Variants in EML5 observed in about 807,000 individuals in gnomAD.
EML5 encodes the protein EMAP like 5, also known as echinoderm microtubule-associated protein-like 5.
In EML5, 120 loss-of-function variants were observed where a neutral mutation model predicts 250.0. The ratio of observed to expected loss-of-function variants is 0.48; its 90% CI spans 0.41 to 0.56. The LOEUF (loss-of-function observed/expected upper bound fraction) is 0.56, where lower values mean the gene tolerates loss of function less well. Ranked by LOEUF, EML5 falls within the 20% of genes least tolerant of loss-of-function variation. The probability of loss-of-function intolerance (pLI) is 0.00; values close to 1 mark genes in which losing one functional copy is unlikely to be tolerated. For synonymous variants in EML5, 771 were observed against 806.5 expected (o/e 0.96, Z 0.75); for missense variants, 2,006 against 2,437.6 (o/e 0.82, Z 3.73).
At chr14:88,705,835 T>A (rs1308717159) in intron 11 of EML5, 2 of 623,602 alleles carry the variant, frequency 3.2e-6, no homozygotes, top group Non-Finnish European at 5.9e-6. Context: ...GACCGCTACA[T>A]CAAATTTAAA....
chr14:88,714,104 C>G (rs888544370), intron 9 of EML5, among the ~76,000 whole-genome samples: 3 of 152,064 alleles, frequency 2.0e-5, no homozygotes, highest in Admixed American at 2.0e-4. Context: ...TCCCAAAGTG[C>G]TGGGATTACA....
intron 29 of EML5, among the ~76,000 whole-genome samples, chr14:88,645,942 C>T (rs549469991): frequency 1.3e-5 from 2 of 152,216 alleles, no homozygotes; most frequent in African/African-American, 4.8e-5. Flanking sequence ...AATGTAGAAG[C>T]TCTTCTCTAG....
In EML5 at chr14:88,715,981, A is replaced by T. The variant is rs530306750; in HGVS notation, c.1188-786T>A. On this transcript the variant is annotated intron_variant, in intron 8 of 43. Coordinates refer to ENST00000554922, the MANE Select transcript of EML5 (RefSeq NM_183387.3). The stretch of plus-strand genomic sequence containing the variant: ...ACCAAAAGATGGATAAATATGTAGT[A>T]AAACACCACGGAGTTTCCAAAGTTG... Among the ~76,000 whole-genome samples the T allele has an allele frequency of 7.9e-5, 12 of 152,322 alleles. No homozygotes were observed. In the East Asian group the frequency reaches 2.3e-3, roughly 29 times the overall value.
intron 1 of EML5, among the ~76,000 whole-genome samples, chr14:88,768,506 G>A (rs968031981): frequency 2.6e-5 from 4 of 152,038 alleles, no homozygotes; most frequent in African/African-American, 9.7e-5. Context: ...CACTTCCAGG[G>A]TTCAAGTGAT....
Position 88,744,184 on chromosome 14 carries a change from A to G in EML5, c.457-93T>C, listed in dbSNP as rs539710188. ...GACCAAATGGCCCAAACTCCTAATC[A>G]TAAAATAATATTCCTCAATAAATAA... On this transcript the variant is annotated intron_variant, in intron 3 of 43. Transcript: ENST00000554922. 16 of 644,124 alleles carry G rather than the reference A, an allele frequency of 2.5e-5. No individual in the cohort carries two copies. In the African/African-American group the frequency reaches 2.8e-4, roughly 11 times the overall value. The allele number at this position is 644,124 out of a possible 1,614,324, so 39.9% of individuals were successfully genotyped here.
rs959890688 is a variant in EML5, at chr14:88,618,908, G to A, written c.5376-96C>T. 38 of 1,239,538 alleles carry A rather than the reference G, an allele frequency of 3.1e-5. No individual in the cohort carries two copies. In the African/African-American group the frequency reaches 3.8e-4, roughly 12 times the overall value. The allele number at this position is 1,239,538 out of a possible 1,614,324, so 76.8% of individuals were successfully genotyped here. A position where few individuals can be genotyped will look rare whatever the true frequency, so the allele number is the denominator to read the frequency against. ...TTCCTTTCTAGTTCTTAAAAGTAAC[G>A]TGTGATAAGGCCTCAAATAGATTTA... is the stretch of plus-strand genomic sequence containing the variant. On this transcript the variant is annotated intron_variant, in intron 39 of 43. Coordinates refer to ENST00000554922, the MANE Select transcript of EML5 (RefSeq NM_183387.3).
At chr14:88,783,633 G>A (rs1039399205) in intron 1 of EML5, among the ~76,000 whole-genome samples, 4 of 152,082 alleles carry the variant, frequency 2.6e-5, no homozygotes, top group African/African-American at 9.7e-5. Flanking sequence ...AAATATATAC[G>A]CACCCAACAC....
chr14:88,626,063 T>C (rs12436828), intron 35 of EML5: 27,933 of 152,102 alleles, frequency 0.18, 3,096 homozygotes, highest in East Asian at 0.47. Context: ...ACTACCTCCT[T>C]CTTCCCTCGA....
At chr14:88,638,735 T>C in intron 32 of EML5, 74 bp downstream of exon 32, 1 of 1,314,592 alleles carries the variant, frequency 7.6e-7, no homozygotes, top group Non-Finnish European at 1.0e-6. Context: ...ATTTTGATTT[T>C]TTCCTTGGAT....
chr14:88,711,476 G>A (rs2093406915), intron 10 of EML5, among the ~76,000 whole-genome samples: 1 of 148,022 alleles, frequency 6.8e-6, no homozygotes, highest in Admixed American at 6.8e-5. Context: ...TGAAGGAGAA[G>A]TCCATGAGAT....
intron 1 of EML5, among the ~76,000 whole-genome samples, chr14:88,791,566 G>A (rs994116179): frequency 2.6e-5 from 4 of 152,164 alleles, no homozygotes; most frequent in African/African-American, 9.7e-5. Context: ...TTGAGTTATT[G>A]TCCAAGGAAG....
intron 1 of EML5, among the ~76,000 whole-genome samples, chr14:88,773,799 T>C (rs2094419316): frequency 7.3e-6 from 1 of 136,604 alleles, no homozygotes; most frequent in African/African-American, 3.0e-5. Context: ...TTAGATTATA[T>C]TAACATCACC....
chr14:88,733,494 C>G (rs959619859), intron 7 of EML5, among the ~76,000 whole-genome samples: 2 of 152,174 alleles, frequency 1.3e-5, no homozygotes, highest in African/African-American at 4.8e-5. Context: ...ATAACAGGAA[C>G]AGTAGTCTGA....
intron 36 of EML5, 149 bp downstream of exon 36, chr14:88,624,821 G>T: frequency 1.2e-6 from 1 of 843,108 alleles, no homozygotes; most frequent in Non-Finnish European, 1.8e-6. Context: ...TCAAATAGAA[G>T]GCACATAAAA....
At chr14:88,641,688 A>G (rs2091075288) in intron 31 of EML5, among the ~76,000 whole-genome samples, 1 of 152,138 alleles carries the variant, frequency 6.6e-6, no homozygotes, top group Admixed American at 6.6e-5. Context: ...ATAATGAAGC[A>G]TTTATGGCAA....
At position 88,702,472 on chromosome 14, in the gene EML5, A is replaced by C; in HGVS notation, c.2212T>G (p.Leu738Val). 4.3e-6 allele frequency: 7 copies of C among 1,612,308 alleles called. No individual in the cohort carries two copies. Among genetic ancestry groups the C allele is most frequent in the Non-Finnish European group, 5.9e-6 (7 of 1,179,150 alleles). ...TGGCCTGTTGCCACGTAGTCTTTCA[A>C]AGGATGAATAGTTAGGCAGAGAATA... ...DDILCLTIHPLKDYVATGQVG... is the reference protein window; with the variant it reads ...DDILCLTIHPVKDYVATGQVG... Residue 738 changes from leucine (L) to valine (V), a missense_variant, in exon 14 of 44, where the codon TTG becomes GTG. Around this residue, in one of 7 missense-constraint regions of EML5, gnomAD observed 1,375 missense variants for 1,590.3 expected, o/e 0.86. Coordinates refer to ENST00000554922, the MANE Select transcript of EML5 (RefSeq NM_183387.3).
At chr14:88,697,271 C>T (rs191103099) in intron 14 of EML5, among the ~76,000 whole-genome samples, 190 of 152,234 alleles carry the variant, frequency 1.2e-3, no homozygotes, top group Non-Finnish European at 2.0e-3. Context: ...AGCAATAAGA[C>T]ATTCAGGTAA....
intron 20 of EML5, 26 bp downstream of exon 20, chr14:88,684,989 A>C (rs749573118): frequency 1.3e-6 from 2 of 1,584,938 alleles, no homozygotes; most frequent in African/African-American, 2.7e-5. Context: ...GTAAAGAAAA[A>C]AAAACAAATT....
chr14:88,721,282 G>A, intron 8 of EML5, among the ~76,000 whole-genome samples: 1 of 151,988 alleles, frequency 6.6e-6, no homozygotes, highest in African/African-American at 2.4e-5. Context: ...ACATCATATG[G>A]AACCAAAATA....
Sources: allele counts gnomAD v4.1 joint callset (sites outside exome capture counted in the v4.1 genomes callset), GRCh38; gene constraint gnomAD v4.1.1; regional missense constraint gnomAD v4.1.1; transcripts MANE v1.5; gene names NCBI Gene and HGNC (gene_info 2026-07-23, HGNC 2026-07-21).